The following CBFA2T3 variants were observed in gnomAD, a reference collection of about 807,000 sequenced individuals.
CBFA2T3 encodes transcriptional corepressor CBFA2T3.
CBFA2T3 carries 31 observed loss-of-function variants against 58.6 expected under a neutral mutation model. The observed-to-expected ratio is 0.53, with a 90% CI of 0.40 to 0.71. The LOEUF (loss-of-function observed/expected upper bound fraction) is 0.71. CBFA2T3 is among the 30% of genes least tolerant of loss of function. The pLI is 0.00. For synonymous variants in CBFA2T3, 531 were observed against 421.9 expected (o/e 1.26, Z -3.17); for missense variants, 1,076 against 963.1 (o/e 1.12, Z -1.55).
chr16:88,877,034 C>T lies in CBFA2T3; in HGVS notation c.1904G>A (p.Gly635Glu), dbSNP rs112308267. Residue 635 changes from glycine to glutamate, a missense_variant, in exon 12 of 12, where the codon GGG becomes GAG. Transcript: ENST00000268679. ...AASPSEAGSA[G>E]PSRPGSPSPP... ...GCTGGGGGAGCCGGGGCGAGAAGGC[C>T]CCGCAGAGCCGGCTTCGCTGGGGCT... The T allele has an allele frequency of 1.1e-5, 17 of 1,504,406 alleles. 1 individual carries two copies. Among genetic ancestry groups the T allele is most frequent in the African/African-American group, 5.6e-5 (4 of 71,326 alleles). 93.2% of individuals were successfully genotyped at this position (1,504,406 alleles called of 1,614,324 possible). A position where few individuals can be genotyped will look rare whatever the true frequency, so the allele number is the denominator to read the frequency against.
chr16:88,891,977 G>C lies in CBFA2T3; in HGVS notation c.622-6C>G, dbSNP rs188155102. On this transcript the variant is annotated splice_region_variant and splice_polypyrimidine_tract_variant and intron_variant, in intron 4 of 11. Coordinates refer to ENST00000268679, the MANE Select transcript of CBFA2T3 (RefSeq NM_005187.6). The stretch of plus-strand genomic sequence containing the variant: ...TCGATCGTCAATGTCGAGTTCTGCA[G>C]GGGAGAAAACCCACCTCACATCAGC... 2.7e-5 allele frequency: 43 copies of C among 1,611,002 alleles called. No homozygotes were observed. The highest frequency in any genetic ancestry group is 3.5e-5 in the Non-Finnish European group (41 of 1,178,190).
chr16:88,961,567 AACCGAC>A (rs1972358472), intron 1 of CBFA2T3, among the ~76,000 whole-genome samples: 2 of 137,198 alleles, frequency 1.5e-5, no homozygotes, highest in Admixed American at 7.1e-5. Context: ...ACTCCATAGT[AACCGAC>A]ACTCAGCACT....
chr16:88,949,257 C>T (rs74586797), intron 1 of CBFA2T3, among the ~76,000 whole-genome samples: 5,038 of 152,240 alleles, frequency 0.033, 272 homozygotes, highest in African/African-American at 0.11. Context: ...CAGGGGACCC[C>T]GATAAGAGAT....
intron 1 of CBFA2T3, among the ~76,000 whole-genome samples, chr16:88,932,913 G>C (rs1242833457): frequency 6.6e-6 from 1 of 151,534 alleles, no homozygotes; most frequent in Non-Finnish European, 1.5e-5. Context: ...AGGTTGCTGT[G>C]AGCTGAGATT....
intron 1 of CBFA2T3, among the ~76,000 whole-genome samples, chr16:88,927,730 C>T (rs898042849): frequency 1.3e-5 from 2 of 152,196 alleles, no homozygotes; most frequent in African/African-American, 2.4e-5. Context: ...CCCCAGGCCC[C>T]GGAGGCCCAG....
intron 1 of CBFA2T3, among the ~76,000 whole-genome samples, chr16:88,967,675 C>A (rs1406350962): frequency 1.3e-5 from 2 of 152,176 alleles, no homozygotes; most frequent in Non-Finnish European, 1.5e-5. Flanking sequence ...CGGCGTGCTG[C>A]CCTGCGTGGC....
chr16:88,975,060 A>T (rs1972764909), intron 1 of CBFA2T3, among the ~76,000 whole-genome samples: 1 of 123,958 alleles, frequency 8.1e-6, no homozygotes, highest in Non-Finnish European at 1.8e-5. Flanking sequence ...TGCAGCCCCT[A>T]AGCAGGGGCT....
At chr16:88,916,207 T>C (rs1970717578) in intron 1 of CBFA2T3, among the ~76,000 whole-genome samples, 1 of 148,638 alleles carries the variant, frequency 6.7e-6, no homozygotes, top group Non-Finnish European at 1.5e-5. Flanking sequence ...TCCGTGTACA[T>C]GCACTTACAT....
intron 1 of CBFA2T3, among the ~76,000 whole-genome samples, chr16:88,963,336 G>A (rs1011269397): frequency 7.6e-6 from 1 of 132,142 alleles, no homozygotes; most frequent in Non-Finnish European, 1.7e-5. Flanking sequence ...TCTTCTGCCA[G>A]GCTTTTTTTT....
intron 1 of CBFA2T3, among the ~76,000 whole-genome samples, chr16:88,927,027 G>A (rs1431496082): frequency 6.6e-6 from 1 of 152,188 alleles, no homozygotes; most frequent in Non-Finnish European, 1.5e-5. Flanking sequence ...CCGCAGCTAA[G>A]TTCCACGTCC....
At chr16:88,934,683 C>G (rs529695392) in intron 1 of CBFA2T3, among the ~76,000 whole-genome samples, 1 of 152,254 alleles carries the variant, frequency 6.6e-6, no homozygotes, top group Admixed American at 6.5e-5. Flanking sequence ...AGAGATGCCA[C>G]GAAAGAGGCA....
At chr16:88,903,724 C>G (rs1289337566) in intron 1 of CBFA2T3, among the ~76,000 whole-genome samples, 1 of 148,832 alleles carries the variant, frequency 6.7e-6, no homozygotes, top group African/African-American at 2.5e-5. Context: ...GCAGCCCTTC[C>G]AGACCAGGCT....
intron 5 of CBFA2T3, among the ~76,000 whole-genome samples, chr16:88,890,585 T>C (rs956559152): frequency 5.3e-5 from 8 of 152,212 alleles, no homozygotes; most frequent in African/African-American, 1.9e-4. Context: ...CTGCTAGAGA[T>C]GTGCAGCCGT....
intron 1 of CBFA2T3, among the ~76,000 whole-genome samples, chr16:88,921,077 C>T (rs980521304): frequency 3.3e-5 from 5 of 152,238 alleles, no homozygotes; most frequent in African/African-American, 7.2e-5. Context: ...CTGGGCCTTC[C>T]CCCAGGCAAG....
At chr16:88,889,749 C>T (rs932953311) in intron 5 of CBFA2T3, among the ~76,000 whole-genome samples, 19 of 148,446 alleles carry the variant, frequency 1.3e-4, no homozygotes, top group Non-Finnish European at 2.4e-4. Context: ...AATCCCTGGA[C>T]GACGCCCCGC....
intron 1 of CBFA2T3, among the ~76,000 whole-genome samples, chr16:88,964,919 TC>T (rs1972458552): frequency 1.2e-5 from 1 of 85,820 alleles, no homozygotes; most frequent in East Asian, 2.1e-4. Flanking sequence ...TATCCATCCA[TC>T]CATCCATCCA....
intron 1 of CBFA2T3, among the ~76,000 whole-genome samples, chr16:88,934,846 T>C (rs1268022545): frequency 1.3e-5 from 2 of 152,122 alleles, no homozygotes; most frequent in Non-Finnish European, 2.9e-5. Flanking sequence ...TTCACGCTAT[T>C]CTCCTGCCTC....
At chr16:88,892,663 G>A (rs1340745727) in intron 3 of CBFA2T3, among the ~76,000 whole-genome samples, 178 bp from the exon 4 acceptor site, 1 of 152,196 alleles carries the variant, frequency 6.6e-6, no homozygotes, top group African/African-American at 2.4e-5. Context: ...CCCGCCCAGG[G>A]CAGCTGAGCT....
At chr16:88,898,936 G>C (rs1016105855) in intron 2 of CBFA2T3, among the ~76,000 whole-genome samples, 2 of 152,368 alleles carry the variant, frequency 1.3e-5, no homozygotes, top group Middle Eastern at 3.4e-3. Flanking sequence ...ACAGGCTCTA[G>C]TAAAGACGGG....
Sources: gnomAD v4.1 joint callset for allele counts (sites outside exome capture counted in the v4.1 genomes callset) on GRCh38, gnomAD v4.1.1 for gene constraint, MANE v1.5 for transcripts, NCBI Gene and HGNC (gene_info 2026-07-23, HGNC 2026-07-21) for gene names.